Variants in PNPLA3 observed in about 807,000 individuals in gnomAD.
The protein encoded by PNPLA3 is 1-acylglycerol-3-phosphate O-acyltransferase PNPLA3.
In PNPLA3, 42 loss-of-function variants were observed where a neutral mutation model predicts 43.1. The ratio of observed to expected loss-of-function variants is 0.97; its 90% CI spans 0.76 to 1.26. The LOEUF is 1.26. Ranked by LOEUF, PNPLA3 falls within the 50% of genes most tolerant of loss-of-function variation. The probability of loss-of-function intolerance (pLI) is 0.00; values close to 1 mark genes in which losing one functional copy is unlikely to be tolerated. For synonymous variants in PNPLA3, 272 were observed against 253.6 expected, an observed-to-expected ratio of 1.07 and a Z score of -0.69; for missense variants, 647 against 621.4, an observed-to-expected ratio of 1.04 and a Z score of -0.44.
rs751568967 is a variant in PNPLA3 at position 43,946,104 on chromosome 22, A to C, written c.1218-50A>C. ...GGGTCCACCGTAGCTCAGACTGCAC[A>C]CTGCAGCAGCGGGAACGGCCTCTAA... On this transcript the variant is annotated intron_variant, in intron 8 of 8. Transcript: ENST00000216180. The C allele has an allele frequency of 2.6e-6, 4 of 1,560,178 alleles. No individual in the cohort carries two copies. The Admixed American group carries it at 6.7e-5, about 26-fold the overall frequency.
rs368235942 is a variant in PNPLA3 at position 43,927,035 on chromosome 22, G to A, written c.288G>A (p.Gln96=). 34 of 1,614,236 alleles carry A rather than the reference G, an allele frequency of 2.1e-5. No homozygotes were observed. Among genetic ancestry groups the A allele is most frequent in the Non-Finnish European group, 2.7e-5 (32 of 1,180,038 alleles). Residue 96 remains glutamine, a synonymous_variant, in exon 2 of 9, where the codon CAG becomes CAA. Transcript: ENST00000216180. ...TCAACTTAAGCAAGTTCCTCCGACA[G>A]GGTCTCTGCAAATGCCTCCCGGCCA... ...PSFNLSKFLR[Q]GLCKCLPANV... is the part of the protein sequence containing the mutation.
intron 4 of PNPLA3, 106 bp from the exon 5 acceptor site, chr22:43,934,500 A>C: frequency 3.4e-6 from 4 of 1,187,778 alleles, no homozygotes; most frequent in Non-Finnish European, 5.0e-6. Context: ...CAGCAGACTC[A>C]GAGCTTGCAT....
Position 43,928,871 on chromosome 22 carries a change from T to A in PNPLA3, c.468T>A (p.Pro156=). 1 of 1,612,258 alleles carries A rather than the reference T, an allele frequency of 6.2e-7. No homozygotes were observed. The highest frequency in any genetic ancestry group is 8.5e-7 in the Non-Finnish European group (1 of 1,178,390). The change falls in exon 3 of 9, where the codon CCT becomes CCA. Residue 156 remains proline, a synonymous_variant. Coordinates refer to ENST00000216180, the MANE Select transcript of PNPLA3 (RefSeq NM_025225.3). ...CFIPFYSGLI[P]PSFRGVRYVD... is the part of the protein sequence containing the mutation. ...TCCCCTTCTACAGTGGCCTTATCCC[T>A]CCTTCCTTCAGAGGCGTGGTAAGTC...
At position 43,927,117 on chromosome 22, in the gene PNPLA3, G is replaced by A. The variant is rs758215909; in HGVS notation, c.370G>A (p.Gly124Arg). ...CATCTCTCTTACCAGAGTGTCTGAT[G>A]GGGAAAACGTTCTGGTGTCTGACTT... ...IGISLTRVSD[G>R]ENVLVSDFRS... The change falls in exon 2 of 9, where the codon GGG becomes AGG. Residue 124 changes from glycine (G) to arginine (R), a missense_variant. Physicochemically the swap from Gly to Arg is moderately radical, Grantham distance 125 (BLOSUM62 -2). Transcript: ENST00000216180. 6.2e-7 allele frequency: 1 copy of A among 1,614,208 alleles called. No individual in the cohort carries two copies. Among genetic ancestry groups the A allele is most frequent in the Non-Finnish European group, 8.5e-7 (1 of 1,180,036 alleles).
intron 6 of PNPLA3, among the ~76,000 whole-genome samples, chr22:43,937,705 C>G (rs531243049): frequency 6.6e-6 from 1 of 152,110 alleles, no homozygotes; most frequent in Non-Finnish European, 1.5e-5. Context: ...CCTTTTCAGC[C>G]GCCTCCCTCC....
intron 8 of PNPLA3, 42 bp from the exon 9 acceptor site, chr22:43,946,112 A>G: frequency 6.3e-7 from 1 of 1,581,492 alleles, no homozygotes. Flanking sequence ...ACACTGCAGC[A>G]GCGGGAACGG....
At chr22:43,934,372 C>T (rs1479150065) in intron 4 of PNPLA3, among the ~76,000 whole-genome samples, 1 of 151,204 alleles carries the variant, frequency 6.6e-6, no homozygotes, top group African/African-American at 2.4e-5. Context: ...CTCTGGCCTG[C>T]TGGGGTGCCT....
chr22:43,934,795 A>T (rs969851715), intron 5 of PNPLA3, 129 bp downstream of exon 5: 5 of 829,436 alleles, frequency 6.0e-6, no homozygotes, highest in Non-Finnish European at 1.0e-5. Context: ...TGCTCAACCT[A>T]CTCATGAGCC....
In PNPLA3 at chr22:43,933,776, T is replaced by C. The variant is rs138585260; in HGVS notation, c.696+689T>C. 5.4e-4 allele frequency among the ~76,000 whole-genome samples: 82 copies of C among 152,300 alleles called. 2 individuals are homozygous for C. In the East Asian group the frequency reaches 0.012, roughly 23 times the overall value. On this transcript the variant is annotated intron_variant, in intron 4 of 8. Coordinates refer to ENST00000216180, the MANE Select transcript of PNPLA3 (RefSeq NM_025225.3). ...TTTAGTATGCCTTACCACTCTACCA[T>C]AGTAAGAAATTTGCAGACCATGTAC...
chr22:43,940,905 C>T lies in PNPLA3; in HGVS notation c.1112+780C>T, dbSNP rs1025307548. ...CCTGTAATCCCAGCGCTTTGGGAGG[C>T]CGAGGTGGGTGGATAATGAGGTCAG... On this transcript the variant is annotated intron_variant, in intron 7 of 8. Coordinates refer to ENST00000216180, the MANE Select transcript of PNPLA3 (RefSeq NM_025225.3). Among the ~76,000 whole-genome samples, 10 of 151,442 alleles carry T rather than the reference C, an allele frequency of 6.6e-5. No individual in the cohort carries two copies. The East Asian group carries it at 2.0e-3, about 30-fold the overall frequency.
rs954347321 is a variant in PNPLA3 at position 43,928,969 on chromosome 22, G to T, written c.486+80G>T. 23 of 1,409,212 alleles carry T rather than the reference G, an allele frequency of 1.6e-5. No individual in the cohort carries two copies. In the African/African-American group the frequency reaches 2.8e-4, roughly 17 times the overall value. 87.3% of individuals were successfully genotyped at this position (1,409,212 alleles called of 1,614,324 possible). ...ACACATCTCCTGCCTGCAGGGCACT[G>T]GTGTCGGGCACCTCAGGGTCTGTCC... On this transcript the variant is annotated intron_variant, in intron 3 of 8. Transcript: ENST00000216180.
rs141538262 is a variant in PNPLA3 at position 43,940,162 on chromosome 22, G to C, written c.1112+37G>C. 5.2e-5 allele frequency: 83 copies of C among 1,594,084 alleles called. No individual in the cohort carries two copies. The East Asian group carries it at 1.9e-3, about 36-fold the overall frequency. ...AGGTGGCTCCGTGTCTTCCTCACAG[G>C]GTTGATATGAGGATGAAACAAGATG... On this transcript the variant is annotated intron_variant, in intron 7 of 8. Coordinates refer to ENST00000216180, the MANE Select transcript of PNPLA3 (RefSeq NM_025225.3).
chr22:43,935,588 C>A (rs914306949), intron 5 of PNPLA3, among the ~76,000 whole-genome samples: 2 of 151,846 alleles, frequency 1.3e-5, no homozygotes, highest in African/African-American at 4.8e-5. Context: ...AGTAGGAGCG[C>A]CTTAGGCATG....
In PNPLA3 at chr22:43,923,968, C is replaced by T; in HGVS notation, c.57C>T (p.Gly19=). 6.3e-7 allele frequency: 1 copy of T among 1,585,430 alleles called. No individual in the cohort carries two copies. Among genetic ancestry groups the T allele is most frequent in the Non-Finnish European group, 8.5e-7 (1 of 1,174,276 alleles). The stretch of plus-strand genomic sequence containing the variant: ...CCTTCGCGGGCTGCGGCTTCCTGGG[C>T]TTCTACCACGTCGGGGCGACCCGCT... ...SLSFAGCGFL[G]FYHVGATRCL... is the part of the protein sequence containing the mutation. Residue 19 remains glycine, a synonymous_variant, in exon 1 of 9, where the codon GGC becomes GGT. Transcript: ENST00000216180.
intron 1 of PNPLA3, among the ~76,000 whole-genome samples, chr22:43,926,223 G>C (rs2049921122): frequency 6.6e-6 from 1 of 152,208 alleles, no homozygotes; most frequent in Non-Finnish European, 1.5e-5. Context: ...CAGGGAAGGA[G>C]AGCTGTGAGT....
At chr22:43,936,812 A>G (rs73890511) in intron 5 of PNPLA3, among the ~76,000 whole-genome samples, 4,870 of 152,300 alleles carry the variant, frequency 0.032, 245 homozygotes, top group African/African-American at 0.11. Context: ...GAAACCAGAT[A>G]TGTAGATGGA....
chr22:43,944,279 G>C (rs1307712149), intron 7 of PNPLA3, among the ~76,000 whole-genome samples: 1 of 152,128 alleles, frequency 6.6e-6, no homozygotes, highest in African/African-American at 2.4e-5. Flanking sequence ...GGGGGATGGA[G>C]AGTCTAGAGG....
intron 6 of PNPLA3, among the ~76,000 whole-genome samples, chr22:43,939,748 G>A (rs1037222185): frequency 2.6e-5 from 4 of 152,038 alleles, no homozygotes; most frequent in African/African-American, 7.3e-5. Flanking sequence ...CCCAGGAGGC[G>A]GAGGTTGCAG....
intron 2 of PNPLA3, 40 bp downstream of exon 2, chr22:43,927,207 A>G (rs757677054): frequency 1.3e-6 from 2 of 1,589,268 alleles, no homozygotes; most frequent in East Asian, 4.5e-5. Context: ...AAGTTAGAAA[A>G]GCTGTTTTGG....
Sources: gnomAD v4.1 joint callset for allele counts (sites outside exome capture counted in the v4.1 genomes callset) on GRCh38, gnomAD v4.1.1 for gene constraint, MANE v1.5 for transcripts, NCBI Gene and HGNC (gene_info 2026-07-23, HGNC 2026-07-21) for gene names.